The following PIGH variants were observed in gnomAD, a reference collection of about 807,000 sequenced individuals.
PIGH encodes the protein phosphatidylinositol glycan anchor biosynthesis class H, also known as phosphatidylinositol N-acetylglucosaminyltransferase subunit H.
A neutral mutation model predicts 20.1 loss-of-function variants in PIGH; 11 were observed. That is an observed-to-expected ratio of 0.55 (90% CI 0.34 to 0.91). The LOEUF (loss-of-function observed/expected upper bound fraction) is 0.91, where lower values mean the gene tolerates loss of function less well. Among genes scored for constraint, PIGH ranks in the 40% least tolerant of loss-of-function variants. The pLI, the probability that PIGH is intolerant of heterozygous loss-of-function variation, is 0.02. For synonymous variants in PIGH, 72 were observed against 93.1 expected, an observed-to-expected ratio of 0.77 and a Z score of 1.31; for missense variants, 189 against 233.6, an observed-to-expected ratio of 0.81 and a Z score of 1.24.
At chr14:67,592,847 G>C (rs55692283) in intron 2 of PIGH, 129 bp from the exon 3 acceptor site, 1 of 594,304 alleles carries the variant, frequency 1.7e-6, no homozygotes, top group African/African-American at 1.9e-5. Flanking sequence ...GTGCAGTGGC[G>C]CAATCTCGGC....
At chr14:67,593,678 G>C in intron 2 of PIGH, 65 bp downstream of exon 2, 1 of 896,660 alleles carries the variant, frequency 1.1e-6, no homozygotes, top group Non-Finnish European at 1.9e-6. Flanking sequence ...TTAAATCTGG[G>C]AACATCCCAT....
intron 1 of PIGH, among the ~76,000 whole-genome samples, chr14:67,597,485 AC>A (rs1433872573): frequency 6.6e-6 from 1 of 151,012 alleles, no homozygotes; most frequent in Non-Finnish European, 1.5e-5. Context: ...CTCAAAAAAA[AC>A]AAAGAAACCT....
intron 1 of PIGH, among the ~76,000 whole-genome samples, chr14:67,597,215 T>C (rs1370294024): frequency 6.6e-6 from 1 of 152,236 alleles, no homozygotes; most frequent in African/African-American, 2.4e-5. Context: ...TGGTGGCTCA[T>C]GCCTATAATC....
At chr14:67,594,158 C>T (rs2036427736) in intron 1 of PIGH, among the ~76,000 whole-genome samples, 1 of 152,198 alleles carries the variant, frequency 6.6e-6, no homozygotes, top group Non-Finnish European at 1.5e-5. Flanking sequence ...TCACAGCAAT[C>T]TCAGAAATTT....
intron 2 of PIGH, 50 bp from the exon 3 acceptor site, chr14:67,592,768 ATTC>A: frequency 8.9e-7 from 1 of 1,117,776 alleles, no homozygotes; most frequent in South Asian, 1.3e-5. Context: ...CTCATTTTGC[ATTC>A]TTTTTTTCTT....
chr14:67,589,832 T>C lies in PIGH; in HGVS notation c.*248A>G, dbSNP rs1424488724. On this transcript the variant is annotated 3_prime_UTR_variant, in exon 4 of 4. Coordinates refer to ENST00000216452, the MANE Select transcript of PIGH (RefSeq NM_004569.5). The stretch of plus-strand genomic sequence containing the variant: ...TGCTGACATTACTTTTGACATACTG[T>C]GTCAAAATTCTTAAGGTCTCCCCTC... The C allele has an allele frequency of 5.9e-6, 7 of 1,186,152 alleles. No homozygotes were observed. The highest frequency in any genetic ancestry group is 7.3e-6 in the Non-Finnish European group (7 of 959,560). 73.5% of individuals were successfully genotyped at this position (1,186,152 alleles called of 1,614,324 possible).
At chr14:67,599,990 C>T in intron 1 of PIGH, 34 bp downstream of exon 1, 1 of 1,528,760 alleles carries the variant, frequency 6.5e-7, no homozygotes, top group Non-Finnish European at 8.8e-7. Context: ...GAACCCCCTC[C>T]TTCGAGCGCG....
At chr14:67,590,540 G>T (rs2036339729) in intron 3 of PIGH, among the ~76,000 whole-genome samples, 2 of 152,154 alleles carry the variant, frequency 1.3e-5, no homozygotes, top group Admixed American at 1.3e-4. Context: ...TGTATTTTTA[G>T]TAGAGACAGG....
intron 1 of PIGH, among the ~76,000 whole-genome samples, chr14:67,597,233 T>C (rs2036490738): frequency 6.6e-6 from 1 of 152,268 alleles, no homozygotes; most frequent in African/African-American, 2.4e-5. Context: ...ATCCCAACAC[T>C]TTGGGAGGCC....
Position 67,593,219 on chromosome 14 carries a change from G to A in PIGH, c.391-501C>T, listed in dbSNP as rs188291779. The A allele has an allele frequency of 4.3e-3, 719 of 165,304 alleles. 1 individual carries two copies. Among genetic ancestry groups the A allele is most frequent in the Admixed American group, 6.4e-3 (110 of 17,244 alleles). The allele number at this position is 165,304 out of a possible 1,614,324, so 10.2% of individuals were successfully genotyped here. A position where few individuals can be genotyped will look rare whatever the true frequency, so the allele number is the denominator to read the frequency against. On this transcript the variant is annotated intron_variant, in intron 2 of 3. Transcript: ENST00000216452. Reference sequence around the variant, plus strand: ...ATGAAAAAAGACAGGGCCAGGCGTAGTGGCTCAAACCTGTAAACTGAACAC... The same window carrying A: ...ATGAAAAAAGACAGGGCCAGGCGTAATGGCTCAAACCTGTAAACTGAACAC...
chr14:67,598,702 T>C (rs962909899), intron 1 of PIGH, among the ~76,000 whole-genome samples: 11 of 138,398 alleles, frequency 7.9e-5, no homozygotes, highest in Non-Finnish European at 1.4e-4. Flanking sequence ...TTTAACTGAC[T>C]TATGAACAAA....
intron 1 of PIGH, among the ~76,000 whole-genome samples, chr14:67,599,729 C>A (rs7149390): frequency 0.99 from 150,665 of 152,304 alleles, 74,540 homozygotes; most frequent in Middle Eastern, 1. Context: ...GAACACATGG[C>A]AGTTAAAGTT....
intron 2 of PIGH, 90 bp from the exon 3 acceptor site, chr14:67,592,808 CAG>C: frequency 1.2e-6 from 1 of 843,692 alleles, no homozygotes; most frequent in Non-Finnish European, 1.9e-6. Context: ...ATTTTTGAGA[CAG>C]AGTCTCTCTC....
intron 1 of PIGH, among the ~76,000 whole-genome samples, chr14:67,598,032 C>T (rs2036506043): frequency 6.6e-6 from 1 of 152,142 alleles, no homozygotes; most frequent in African/African-American, 2.4e-5. Context: ...AATCCGTGCC[C>T]TACTATCTGC....
Position 67,589,967 on chromosome 14 carries a change from T to C in PIGH, c.*113A>G. 1 of 1,384,326 alleles carries C rather than the reference T, an allele frequency of 7.2e-7. No homozygotes were observed. Among genetic ancestry groups the C allele is most frequent in the South Asian group, 1.8e-5 (1 of 55,582 alleles). The allele number at this position is 1,384,326 out of a possible 1,614,324, so 85.8% of individuals were successfully genotyped here. ...ATGGCTCTAAGATGCACTACATCCA[T>C]AATGGTTCCTAGGACTGTGTCCACC... On this transcript the variant is annotated 3_prime_UTR_variant, in exon 4 of 4. Transcript: ENST00000216452.
chr14:67,596,904 T>C (rs1327248594), intron 1 of PIGH, among the ~76,000 whole-genome samples: 1 of 152,246 alleles, frequency 6.6e-6, no homozygotes, highest in Non-Finnish European at 1.5e-5. Flanking sequence ...AAGTCTCTTT[T>C]CCCCTACTGT....
intron 1 of PIGH, among the ~76,000 whole-genome samples, chr14:67,595,325 G>C (rs74909733): frequency 6.6e-6 from 1 of 152,136 alleles, no homozygotes; most frequent in Non-Finnish European, 1.5e-5. Context: ...TTGAAGTACC[G>C]TTCCTACTGA....
intron 1 of PIGH, 58 bp from the exon 2 acceptor site, chr14:67,594,010 G>T: frequency 9.0e-7 from 1 of 1,109,062 alleles, no homozygotes; most frequent in Admixed American, 1.9e-5. Context: ...GTCAACTCCA[G>T]GCAATGAGGG....
intron 3 of PIGH, chr14:67,592,279 A>T (rs1594807012): frequency 1.0e-5 from 2 of 192,626 alleles, no homozygotes; most frequent in Non-Finnish European, 1.1e-5. Context: ...TACTAAAAAT[A>T]AAAAAAAAAA....
Sources: allele counts gnomAD v4.1 joint callset (sites outside exome capture counted in the v4.1 genomes callset), GRCh38; gene constraint gnomAD v4.1.1; transcripts MANE v1.5; gene names NCBI Gene and HGNC (gene_info 2026-07-23, HGNC 2026-07-21).